PPM1H: variants seen among roughly 807,000 people sequenced by gnomAD.
PPM1H encodes protein phosphatase 1H.
In PPM1H, 27 loss-of-function variants were observed where a neutral mutation model predicts 54.9. The observed-to-expected ratio is 0.49, with a 90% CI of 0.36 to 0.68. The LOEUF (loss-of-function observed/expected upper bound fraction) is 0.68, where lower values mean the gene tolerates loss of function less well. Among genes scored for constraint, PPM1H ranks in the 30% least tolerant of loss-of-function variants. The pLI is 0.00. For missense variants in PPM1H, 596 were observed against 667.8 expected (o/e 0.89, Z 1.19); for synonymous variants, 305 against 270.8 (o/e 1.13, Z -1.24).
chr12:62,790,526 C>A (rs2076696353), intron 3 of PPM1H, among the ~76,000 whole-genome samples: 1 of 152,140 alleles, frequency 6.6e-6, no homozygotes, highest in Non-Finnish European at 1.5e-5. Context: ...AAGCCATGAT[C>A]ATGCCACTGT....
intron 4 of PPM1H, among the ~76,000 whole-genome samples, chr12:62,762,214 GTGATT>G (rs781370773): frequency 2.4e-4 from 36 of 152,238 alleles, no homozygotes; most frequent in Admixed American, 5.9e-4. Context: ...ACAAAGCTCT[GTGATT>G]AGACCCTGTG....
intron 4 of PPM1H, among the ~76,000 whole-genome samples, chr12:62,754,582 A>C (rs554278010): frequency 6.4e-4 from 98 of 152,318 alleles, no homozygotes; most frequent in African/African-American, 2.1e-3. Context: ...CAGATACTAG[A>C]GTAGATCATG....
intron 1 of PPM1H, chr12:62,840,323 C>T (rs1592628688): frequency 6.6e-6 from 1 of 152,232 alleles, no homozygotes; most frequent in East Asian, 1.9e-4. Flanking sequence ...CATGAGGGCT[C>T]CATCCTCATG....
intron 1 of PPM1H, among the ~76,000 whole-genome samples, chr12:62,910,535 T>C (rs1240918013): frequency 6.6e-6 from 1 of 152,186 alleles, no homozygotes; most frequent in Admixed American, 6.5e-5. Flanking sequence ...ATAAAAATAA[T>C]TTAGCACATT....
intron 3 of PPM1H, among the ~76,000 whole-genome samples, chr12:62,791,855 C>T (rs1257021513): frequency 6.6e-6 from 1 of 152,098 alleles, no homozygotes; most frequent in Non-Finnish European, 1.5e-5. Context: ...ACCCGGGAGC[C>T]GGAGGTTGCA....
chr12:62,722,218 T>C (rs1216752342), intron 5 of PPM1H, among the ~76,000 whole-genome samples: 1 of 152,210 alleles, frequency 6.6e-6, no homozygotes, highest in Non-Finnish European at 1.5e-5. Context: ...CCATCTGTTA[T>C]AAGCCCTTTA....
Position 62,751,761 on chromosome 12 carries a change from G to A in PPM1H, c.870-14175C>T, listed in dbSNP as rs576110793. Among the ~76,000 whole-genome samples, 7 of 152,336 alleles carry A rather than the reference G, an allele frequency of 4.6e-5. No individual in the cohort carries two copies. In the South Asian group the frequency reaches 1.5e-3, roughly 32 times the overall value. ...ACCCATAAACAATGAGATCTAGACT[G>A]TATAATGTACTGAGAATGTCTTGCA... On this transcript the variant is annotated intron_variant, in intron 4 of 9. Transcript: ENST00000228705.
intron 9 of PPM1H, chr12:62,659,268 G>GAAAAA (rs2075866824): frequency 2.8e-4 from 4 of 14,242 alleles, no homozygotes; most frequent in Admixed American, 9.6e-4. Context: ...CGTAAAAACT[G>GAAAAA]CAAAAAAAAA....
intron 6 of PPM1H, 135 bp from the exon 7 acceptor site, chr12:62,694,134 G>C (rs2136641937): frequency 2.7e-6 from 2 of 733,450 alleles, no homozygotes; most frequent in East Asian, 5.4e-5. Flanking sequence ...TTCCTTTATA[G>C]GGAGTTGTTC....
At chr12:62,931,076 A>C (rs2121193404) in intron 1 of PPM1H, among the ~76,000 whole-genome samples, 1 of 152,282 alleles carries the variant, frequency 6.6e-6, no homozygotes. Flanking sequence ...GAAAGGGATT[A>C]ACAGTAAGTG....
chr12:62,661,897 G>A (rs889305081), intron 9 of PPM1H, among the ~76,000 whole-genome samples: 6 of 152,110 alleles, frequency 3.9e-5, no homozygotes, highest in African/African-American at 1.4e-4. Context: ...TCTATTTCTT[G>A]CTGATAAACT....
chr12:62,771,481 G>C (rs1158752747), intron 4 of PPM1H, among the ~76,000 whole-genome samples: 1 of 152,084 alleles, frequency 6.6e-6, no homozygotes, highest in East Asian at 1.9e-4. Context: ...TCCTAAAGCA[G>C]CTCAGGAACG....
intron 1 of PPM1H, among the ~76,000 whole-genome samples, chr12:62,891,496 C>A (rs1236318907): frequency 6.6e-6 from 1 of 152,222 alleles, no homozygotes; most frequent in Non-Finnish European, 1.5e-5. Flanking sequence ...ATTTTCTTAA[C>A]ACATCTTCAC....
chr12:62,649,806 C>G (rs1477491954), intron 9 of PPM1H, among the ~76,000 whole-genome samples: 1 of 152,146 alleles, frequency 6.6e-6, no homozygotes, highest in Non-Finnish European at 1.5e-5. Context: ...CTTTACAGAT[C>G]AATCTTGTGA....
intron 1 of PPM1H, among the ~76,000 whole-genome samples, chr12:62,832,803 A>G (rs1423373994): frequency 1.3e-5 from 2 of 152,220 alleles, no homozygotes; most frequent in East Asian, 3.9e-4. Flanking sequence ...CTTTACACAA[A>G]GGCAAGCAAA....
intron 1 of PPM1H, among the ~76,000 whole-genome samples, chr12:62,901,204 A>T (rs1489508656): frequency 3.3e-5 from 5 of 152,268 alleles, no homozygotes; most frequent in African/African-American, 4.8e-5. Context: ...GTATTCACTG[A>T]TACCATATGT....
intron 4 of PPM1H, among the ~76,000 whole-genome samples, chr12:62,770,078 C>CTT (rs35021122): frequency 1.6e-4 from 23 of 144,038 alleles, no homozygotes; most frequent in African/African-American, 2.3e-4. Flanking sequence ...CAACTTTCAG[C>CTT]TTTTTTTTTT....
intron 3 of PPM1H, among the ~76,000 whole-genome samples, chr12:62,800,898 C>T (rs1055041105): frequency 2.0e-5 from 3 of 152,200 alleles, no homozygotes; most frequent in African/African-American, 4.8e-5. Context: ...GGCACTCTCC[C>T]GAGGACATGC....
At chr12:62,804,676 C>CTTTTTTTTTT (rs759291510) in intron 2 of PPM1H, among the ~76,000 whole-genome samples, 45 of 116,178 alleles carry the variant, frequency 3.9e-4, no homozygotes, top group Non-Finnish European at 5.9e-4. Flanking sequence ...CTTTTTTTTT[C>CTTTTTTTTTT]TTTTTTTTTT....
Sources: allele counts gnomAD v4.1 joint callset (sites outside exome capture counted in the v4.1 genomes callset), GRCh38; gene constraint gnomAD v4.1.1; transcripts MANE v1.5; gene names NCBI Gene and HGNC (gene_info 2026-07-23, HGNC 2026-07-21).